SLC41A3: variants seen among roughly 807,000 people sequenced by gnomAD.
The protein encoded by SLC41A3 is SLC41A1-like 2.
SLC41A3 carries 44 observed loss-of-function variants against 45.4 expected under a neutral mutation model. That is an observed-to-expected ratio of 0.97 (90% confidence interval 0.76 to 1.25). The LOEUF is 1.25. Ranked by LOEUF, SLC41A3 falls within the 50% of genes most tolerant of loss-of-function variation. The probability of loss-of-function intolerance (pLI) is 0.00; values close to 1 mark genes in which losing one functional copy is unlikely to be tolerated. For synonymous variants in SLC41A3, 256 were observed against 252.4 expected (o/e 1.01, Z -0.13); for missense variants, 550 against 600.6 (o/e 0.92, Z 0.88).
At chr3:126,032,133 T>G (rs1941841547) in intron 4 of SLC41A3, among the ~76,000 whole-genome samples, 2 of 149,466 alleles carry the variant, frequency 1.3e-5, no homozygotes, top group African/African-American at 5.0e-5. Flanking sequence ...CAGGGAGGTG[T>G]GAAGGGGTGG....
At chr3:126,008,704 C>T (rs775685267) in intron 10 of SLC41A3, 28 bp downstream of exon 10, 3 of 1,611,092 alleles carry the variant, frequency 1.9e-6, no homozygotes, top group South Asian at 1.1e-5. Context: ...CACAGCTGCG[C>T]ACCTCTAATT....
intron 2 of SLC41A3, chr3:126,056,567 C>A: frequency 1.2e-6 from 2 of 1,610,900 alleles, no homozygotes; most frequent in East Asian, 2.2e-5. Context: ...AGGCAATGCA[C>A]CACGATCCCA....
chr3:126,014,866 T>A (rs1461712664), intron 8 of SLC41A3, among the ~76,000 whole-genome samples: 1 of 152,156 alleles, frequency 6.6e-6, no homozygotes, highest in Non-Finnish European at 1.5e-5. Context: ...AAAAGAGGGG[T>A]CATCCACACA....
chr3:126,013,795 T>C (rs1027810015), intron 8 of SLC41A3, among the ~76,000 whole-genome samples: 68 of 152,090 alleles, frequency 4.5e-4, no homozygotes, highest in African/African-American at 1.5e-3. Context: ...ATAGATGCTT[T>C]GGGTGTGTGC....
rs1374072754 is a variant in SLC41A3, at chr3:126,037,365, T to C, written c.382-3687A>G. On this transcript the variant is annotated intron_variant, in intron 3 of 10. Transcript: ENST00000360370. ...AGATAAGGGAAAGTTTGGAACTTCG[T>C]ACAGACTTGTTAAATGGTTTTGGCC... 2.6e-5 allele frequency among the ~76,000 whole-genome samples: 4 copies of C among 152,184 alleles called. 1 individual carries two copies. Among genetic ancestry groups the C allele is most frequent in the Non-Finnish European group, 5.9e-5 (4 of 68,024 alleles).
At chr3:126,051,171 A>G in intron 2 of SLC41A3, 121 bp from the exon 3 acceptor site, 1 of 1,150,910 alleles carries the variant, frequency 8.7e-7, no homozygotes, top group Non-Finnish European at 1.2e-6. Context: ...AATAGGACTA[A>G]GTACTTTCTT....
rs1944451116 is a variant in SLC41A3, at chr3:126,068,213, C to T, written c.7G>A (p.Gly3Arg). ...AGCCTCCGCTGCCGGGTCTCTGTCC[C>T]ATCCATCTGGGCACAGCTGGGCGCC... is the stretch of plus-strand genomic sequence containing the variant. Reference protein sequence around the residue: MDGTETRQRRLDS... With the variant: MDRTETRQRRLDS... The change falls in exon 2 of 11, where the codon GGG becomes AGG. Residue 3 changes from glycine (G) to arginine (R), a missense_variant. Transcript: ENST00000360370. 3 of 1,536,034 alleles carry T rather than the reference C, an allele frequency of 2.0e-6. No homozygotes were observed. The East Asian group carries it at 6.8e-5, about 35-fold the overall frequency.
chr3:126,059,947 T>A (rs959518394), intron 2 of SLC41A3, among the ~76,000 whole-genome samples: 4 of 152,206 alleles, frequency 2.6e-5, no homozygotes, highest in Non-Finnish European at 5.9e-5. Flanking sequence ...CATCATAGTT[T>A]CGGACGTGGT....
chr3:126,009,478 T>C (rs1939473914), intron 9 of SLC41A3, among the ~76,000 whole-genome samples: 1 of 152,214 alleles, frequency 6.6e-6, no homozygotes, highest in African/African-American at 2.4e-5. Flanking sequence ...TGCTCTGAGT[T>C]TGAGACTTTA....
At chr3:126,030,512 T>C (rs1234772113) in intron 4 of SLC41A3, among the ~76,000 whole-genome samples, 1 of 152,216 alleles carries the variant, frequency 6.6e-6, no homozygotes, top group Non-Finnish European at 1.5e-5. Context: ...GATGCTGTTC[T>C]TCCTCTTTTA....
rs1945314575 is a variant in SLC41A3 at position 126,084,122 on chromosome 3, G to A, written c.-57C>T. 1.3e-5 allele frequency: 2 copies of A among 152,290 alleles called. No homozygotes were observed. The highest frequency in any genetic ancestry group is 4.1e-4 in the South Asian group (2 of 4,822). The allele number at this position is 152,290 out of a possible 1,614,324, so 9.4% of individuals were successfully genotyped here. ...TCCCCTCCCAGGCGGCGGCGGGAAA[G>A]AGGCGGGCGGAGGACGCAGGGGCGG... On this transcript the variant is annotated 5_prime_UTR_variant, in exon 1 of 11. Transcript: ENST00000360370.
chr3:126,057,870 C>T (rs1419368201), intron 2 of SLC41A3: 2 of 152,278 alleles, frequency 1.3e-5, no homozygotes, highest in Non-Finnish European at 2.9e-5. Flanking sequence ...AGCACAATTC[C>T]CACTGAGAGC....
At chr3:126,072,410 C>T (rs1379153573) in intron 1 of SLC41A3, among the ~76,000 whole-genome samples, 1 of 147,344 alleles carries the variant, frequency 6.8e-6, no homozygotes, top group African/African-American at 2.5e-5. Context: ...AAAGTTGGGT[C>T]CTTGAAGAGA....
At chr3:126,014,371 TACA>T (rs1940047918) in intron 8 of SLC41A3, among the ~76,000 whole-genome samples, 1 of 152,194 alleles carries the variant, frequency 6.6e-6, no homozygotes, top group African/African-American at 2.4e-5. Context: ...AGTCTGGACC[TACA>T]CTCTCCCGAG....
At chr3:126,077,704 T>C (rs557486613) in intron 1 of SLC41A3, among the ~76,000 whole-genome samples, 17 of 152,242 alleles carry the variant, frequency 1.1e-4, no homozygotes, top group Non-Finnish European at 1.5e-4. Context: ...AAGGAATTTA[T>C]GGATTCAGGA....
rs750719156 is a variant in SLC41A3, at chr3:126,068,244, G to A, written c.-25C>T. The A allele has an allele frequency of 1.4e-4, 208 of 1,494,816 alleles. No homozygotes were observed. The highest frequency in any genetic ancestry group is 1.6e-4 in the Non-Finnish European group (183 of 1,123,672). The allele number at this position is 1,494,816 out of a possible 1,614,324, so 92.6% of individuals were successfully genotyped here. A position where few individuals can be genotyped will look rare whatever the true frequency, so the allele number is the denominator to read the frequency against. On this transcript the variant is annotated splice_region_variant and 5_prime_UTR_variant, in exon 2 of 11. Transcript: ENST00000360370. ...TCTGGGCACAGCTGGGCGCCTGGCA[G>A]CCCTACAGTGGGAGACACAAAGTTG...
chr3:126,050,473 C>T lies in SLC41A3; in HGVS notation c.381+470G>A, dbSNP rs191531799. Among the ~76,000 whole-genome samples the T allele has an allele frequency of 4.4e-4, 67 of 152,320 alleles. No homozygotes were observed. In the East Asian group the frequency reaches 7.1e-3, roughly 16 times the overall value. On this transcript the variant is annotated intron_variant, in intron 3 of 10. Transcript: ENST00000360370. ...GTTCAAGAGCCCAGAGAAGACACCTCCAGTGATCAAGCATTCAGGGAGCCA... is the reference window on the plus strand; with the variant it reads ...GTTCAAGAGCCCAGAGAAGACACCTTCAGTGATCAAGCATTCAGGGAGCCA...
At chr3:126,063,982 A>C in intron 2 of SLC41A3, among the ~76,000 whole-genome samples, 1 of 110,020 alleles carries the variant, frequency 9.1e-6, no homozygotes, top group Admixed American at 1.1e-4. Flanking sequence ...CCCCATACCC[A>C]GGCCACCAAA....
intron 2 of SLC41A3, among the ~76,000 whole-genome samples, chr3:126,067,108 G>A (rs78095422): frequency 1.3e-4 from 3 of 22,668 alleles, no homozygotes; most frequent in South Asian, 1.8e-3. Flanking sequence ...CCCGCCCCCC[G>A]CCCCGGCCAC....
Sources: allele counts gnomAD v4.1 joint callset (sites outside exome capture counted in the v4.1 genomes callset), GRCh38; gene constraint gnomAD v4.1.1; transcripts MANE v1.5; gene names NCBI Gene and HGNC (gene_info 2026-07-23, HGNC 2026-07-21).